Variants in ZFR2 observed in about 807,000 individuals in gnomAD.
ZFR2 encodes zinc finger RNA-binding protein 2.
ZFR2 carries 104 observed loss-of-function variants against 105.7 expected under a neutral mutation model. That is an observed-to-expected ratio of 0.98 (90% CI 0.84 to 1.16). ZFR2 has a LOEUF of 1.16. ZFR2 is among the 50% of genes most tolerant of loss of function. The pLI is 0.00. For missense variants in ZFR2, 1,425 were observed against 1,355.5 expected (o/e 1.05, Z -0.80); for synonymous variants, 634 against 597.7 (o/e 1.06, Z -0.89).
chr19:3,844,133 C>T (rs2038165199), intron 1 of ZFR2, among the ~76,000 whole-genome samples: 1 of 152,006 alleles, frequency 6.6e-6, no homozygotes, highest in African/African-American at 2.4e-5. Context: ...GCTCCCCAAC[C>T]ACGTGAATGT....
At position 3,832,129 on chromosome 19, in the gene ZFR2, A is replaced by T. The variant is rs150576490; in HGVS notation, c.380-251T>A. 6.5e-3 allele frequency among the ~76,000 whole-genome samples: 994 copies of T among 152,176 alleles called. 8 individuals carry two copies. Among genetic ancestry groups the T allele is most frequent in the East Asian group, 0.028 (144 of 5,166 alleles). On this transcript the variant is annotated intron_variant, in intron 3 of 18. Transcript: ENST00000262961. ...GGGTGCCCTAGACAAGCTCCTCTGC[A>T]TCTCCAGCTCCATCACCCACAGAGC...
intron 8 of ZFR2, 85 bp from the exon 9 acceptor site, chr19:3,822,285 C>T: frequency 6.6e-7 from 1 of 1,523,978 alleles, no homozygotes; most frequent in Non-Finnish European, 8.9e-7. Context: ...GCGGCGGAGC[C>T]TTCCTCCTTG....
At position 3,813,794 on chromosome 19, in the gene ZFR2, G is replaced by A. The variant is rs767483695; in HGVS notation, c.2242+26C>T. The A allele has an allele frequency of 5.6e-6, 9 of 1,612,532 alleles. No individual in the cohort carries two copies. The highest frequency in any genetic ancestry group is 1.7e-4 in the Middle Eastern group (1 of 5,874). On this transcript the variant is annotated intron_variant, in intron 14 of 18. Transcript: ENST00000262961. This position sits in a 1 kb window ranked among gnomAD's most constrained non-coding sequence, Gnocchi z 4.4. ...CCTGGGGAAGCGTGAGGGGGACAGT[G>A]GTTGGAAGGAAGGGCTGGGCCGCAC...
chr19:3,862,652 A>G (rs901009197), intron 1 of ZFR2, among the ~76,000 whole-genome samples: 38 of 152,302 alleles, frequency 2.5e-4, no homozygotes, highest in Middle Eastern at 3.4e-3. Flanking sequence ...CACTTCAAAA[A>G]CATCCAATCT....
Position 3,805,715 on chromosome 19 carries a change from G to C in ZFR2, c.*234C>G. 1 of 463,556 alleles carries C rather than the reference G, an allele frequency of 2.2e-6. No homozygotes were observed. The highest frequency in any genetic ancestry group is 3.6e-5 in the East Asian group (1 of 27,800). The allele number at this position is 463,556 out of a possible 1,614,324, so 28.7% of individuals were successfully genotyped here. On this transcript the variant is annotated 3_prime_UTR_variant, in exon 19 of 19. Transcript: ENST00000262961. The stretch of plus-strand genomic sequence containing the variant: ...AGATGGGGGTCTCACTCTGTTGTCT[G>C]GGCTGGCCTTGAACTCTCAGGCTCA...
At chr19:3,853,177 G>A (rs1014361906) in intron 1 of ZFR2, among the ~76,000 whole-genome samples, 1 of 152,214 alleles carries the variant, frequency 6.6e-6, no homozygotes, top group African/African-American at 2.4e-5. Flanking sequence ...AGGGATTAGA[G>A]CCTAGCTCTG....
intron 13 of ZFR2, among the ~76,000 whole-genome samples, chr19:3,815,908 C>T (rs1161317359): frequency 2.0e-5 from 3 of 151,970 alleles, no homozygotes; most frequent in Admixed American, 6.6e-5. Flanking sequence ...CCCGCCACCA[C>T]GCCTGGCTAA....
intron 1 of ZFR2, among the ~76,000 whole-genome samples, chr19:3,846,623 GT>G (rs1269277250): frequency 6.6e-6 from 1 of 152,148 alleles, no homozygotes; most frequent in African/African-American, 2.4e-5. Context: ...CTGTTTACTT[GT>G]TTGAAACTGT....
At chr19:3,842,295 T>C (rs2145172399) in intron 1 of ZFR2, among the ~76,000 whole-genome samples, 1 of 152,272 alleles carries the variant, frequency 6.6e-6, no homozygotes, top group South Asian at 2.1e-4. Context: ...ATTACAGGCG[T>C]GAGTCACTGT....
At chr19:3,837,740 G>A (rs2038093019) in intron 1 of ZFR2, among the ~76,000 whole-genome samples, 1 of 151,192 alleles carries the variant, frequency 6.6e-6, no homozygotes, top group Non-Finnish European at 1.5e-5. Context: ...TGCTGTGACT[G>A]TGGAACTTGA....
chr19:3,827,877 G>A (rs1460382733), intron 5 of ZFR2, among the ~76,000 whole-genome samples: 1 of 152,150 alleles, frequency 6.6e-6, no homozygotes, highest in Non-Finnish European at 1.5e-5. Flanking sequence ...CTGGAGTGCA[G>A]TGGCACGATC....
rs1488670010 is a variant in ZFR2 at position 3,813,389 on chromosome 19, A to G, written c.2242+431T>C. Among the ~76,000 whole-genome samples, 1 of 151,852 alleles carries G rather than the reference A, an allele frequency of 6.6e-6. No individual in the cohort carries two copies. The highest frequency in any genetic ancestry group is 1.5e-5 in the Non-Finnish European group (1 of 67,950). On this transcript the variant is annotated intron_variant, in intron 14 of 18. Coordinates refer to ENST00000262961, the MANE Select transcript of ZFR2 (RefSeq NM_015174.2). The surrounding 1 kb of genome is among the most constrained non-coding windows in gnomAD (Gnocchi z 4.4). ...CTGGCTTTAAGACCCCCGATTCCCT[A>G]CATTCCTAATCAGTGGCACTGGGAC...
rs61747120 is a variant in ZFR2, at chr19:3,834,865, C to T, written c.172G>A (p.Gly58Ser). Residue 58 changes from glycine (G) to serine (S), a missense_variant, in exon 2 of 19, where the codon GGT (glycine) becomes AGT (serine). Coordinates refer to ENST00000262961, the MANE Select transcript of ZFR2 (RefSeq NM_015174.2). This position sits in a 1 kb window ranked among gnomAD's most constrained non-coding sequence, Gnocchi z 5.3. ...TGGCCGGAGTGGGGCTGGTATCCAC[C>T]GTACCCTGCCGGGGCAGCTGGGGGA... ...AFPPAAPAGY[G>S]GYQPHSGQDF... 0.046 allele frequency: 73,881 copies of T among 1,611,242 alleles called. 1,871 individuals carry two copies. The highest frequency in any genetic ancestry group is 0.083 in the African/African-American group (6,249 of 75,018).
chr19:3,835,998 C>A (rs1392841082), intron 1 of ZFR2, among the ~76,000 whole-genome samples: 1 of 151,998 alleles, frequency 6.6e-6, no homozygotes, highest in Non-Finnish European at 1.5e-5. Flanking sequence ...TCACTATCTG[C>A]AAGGGTTGAG....
chr19:3,868,670 G>GCCCAAA (rs1466793341), intron 1 of ZFR2, among the ~76,000 whole-genome samples: 5 of 150,892 alleles, frequency 3.3e-5, no homozygotes, highest in Admixed American at 6.6e-5. Context: ...ACAGGCCCAG[G>GCCCAAA]CCCAAACCCA....
chr19:3,809,043 G>C, intron 16 of ZFR2, 60 bp from the exon 17 acceptor site: 1 of 1,339,052 alleles, frequency 7.5e-7, no homozygotes, highest in Non-Finnish European at 9.9e-7. Context: ...CTGCCTGCCC[G>C]GGAGGTCCTG....
At chr19:3,811,222 C>G (rs776023515) in intron 15 of ZFR2, 50 bp downstream of exon 15, 1 of 1,484,516 alleles carries the variant, frequency 6.7e-7, no homozygotes, top group Non-Finnish European at 9.0e-7. Context: ...CTCTGAGCTA[C>G]GTTCCTCAAA....
At chr19:3,857,643 C>T (rs980616404) in intron 1 of ZFR2, among the ~76,000 whole-genome samples, 8 of 149,746 alleles carry the variant, frequency 5.3e-5, no homozygotes, top group African/African-American at 9.9e-5. Context: ...TTGCTGTGAG[C>T]CGAGATTGCG....
intron 13 of ZFR2, 59 bp from the exon 14 acceptor site, chr19:3,814,017 T>A: frequency 6.2e-7 from 1 of 1,600,466 alleles, no homozygotes; most frequent in South Asian, 1.1e-5. Context: ...CATGTGTAAA[T>A]CAGCCAGGAT....
Sources: allele counts gnomAD v4.1 joint callset (sites outside exome capture counted in the v4.1 genomes callset), GRCh38; gene constraint gnomAD v4.1.1; non-coding constraint Gnocchi (gnomAD v3.1); transcripts MANE v1.5; gene names NCBI Gene and HGNC (gene_info 2026-07-23, HGNC 2026-07-21).